TCF7L1: variants seen among roughly 807,000 people sequenced by gnomAD.
TCF7L1 encodes transcription factor 7-like 1.
In TCF7L1, 18 loss-of-function variants were observed where a neutral mutation model predicts 63.7. The ratio of observed to expected loss-of-function variants is 0.28; its 90% CI spans 0.20 to 0.42. The LOEUF is 0.42. TCF7L1 is among the 10% of genes least tolerant of loss of function. TCF7L1 has a pLI of 1.00. For synonymous variants in TCF7L1, 355 were observed against 340.9 expected (o/e 1.04, Z -0.46); for missense variants, 654 against 779.3 (o/e 0.84, Z 1.91).
chr2:85,138,804 C>T (rs1677655091), intron 3 of TCF7L1, among the ~76,000 whole-genome samples: 1 of 152,178 alleles, frequency 6.6e-6, no homozygotes, highest in Non-Finnish European at 1.5e-5. Context: ...CACACCCCCA[C>T]CCAATCTAAC....
At chr2:85,148,719 C>A (rs1027621344) in intron 3 of TCF7L1, among the ~76,000 whole-genome samples, 3 of 151,548 alleles carry the variant, frequency 2.0e-5, no homozygotes, top group Non-Finnish European at 4.4e-5. Flanking sequence ...TGTTTAGTAG[C>A]CAAATATTTT....
chr2:85,267,215 C>T (rs1164808073), intron 3 of TCF7L1, among the ~76,000 whole-genome samples: 3 of 150,956 alleles, frequency 2.0e-5, no homozygotes, highest in Middle Eastern at 3.5e-3. Context: ...ACCTGTATTC[C>T]AGCTACTTGG....
intron 4 of TCF7L1, among the ~76,000 whole-genome samples, chr2:85,285,233 A>C (rs1403566998): frequency 2.1e-5 from 3 of 139,670 alleles, no homozygotes; most frequent in African/African-American, 8.9e-5. Flanking sequence ...ACTCTGTCTC[A>C]AAAAAAAAAA....
chr2:85,184,059 C>A (rs1334483570), intron 3 of TCF7L1, among the ~76,000 whole-genome samples: 1 of 152,186 alleles, frequency 6.6e-6, no homozygotes, highest in African/African-American at 2.4e-5. Flanking sequence ...CCTAAGTTCT[C>A]TCCTCTTCTC....
chr2:85,258,866 T>C (rs772931237), intron 3 of TCF7L1, among the ~76,000 whole-genome samples: 3 of 152,124 alleles, frequency 2.0e-5, no homozygotes, highest in Non-Finnish European at 4.4e-5. Context: ...AGGAAAACAG[T>C]GTCGTAGGTC....
chr2:85,141,745 C>T (rs536021098), intron 3 of TCF7L1, among the ~76,000 whole-genome samples: 1 of 152,336 alleles, frequency 6.6e-6, no homozygotes, highest in Admixed American at 6.5e-5. Flanking sequence ...CTTCTTACTT[C>T]ATCCGTGGAG....
intron 3 of TCF7L1, among the ~76,000 whole-genome samples, chr2:85,171,045 A>G (rs1678533945): frequency 6.6e-6 from 1 of 152,200 alleles, no homozygotes; most frequent in Admixed American, 6.5e-5. Context: ...AAAGAAAAAA[A>G]GGTTAATGAA....
At chr2:85,302,722 C>A in intron 5 of TCF7L1, 106 bp downstream of exon 5, 1 of 1,411,814 alleles carries the variant, frequency 7.1e-7, no homozygotes, top group Non-Finnish European at 9.6e-7. Flanking sequence ...CAAATCATGG[C>A]TCTTTGTCTC....
rs1056915913 is a variant in TCF7L1 at position 85,306,911 on chromosome 2, A to G, written c.1257+352A>G. On this transcript the variant is annotated intron_variant, in intron 10 of 11. Coordinates refer to ENST00000282111, the MANE Select transcript of TCF7L1 (RefSeq NM_031283.3). The surrounding 1 kb of genome is among the most constrained non-coding windows in gnomAD (Gnocchi z 4.3). ...GAGCTCCTGACCTCGTGATCCGCCC[A>G]CCTCGGCCTCCCAAAGCGCTGGGAT... Among the ~76,000 whole-genome samples, 3 of 152,060 alleles carry G rather than the reference A, an allele frequency of 2.0e-5. No homozygotes were observed. Among genetic ancestry groups the G allele is most frequent in the East Asian group, 1.9e-4 (1 of 5,172 alleles).
chr2:85,295,470 G>T (rs2104381356), intron 4 of TCF7L1, among the ~76,000 whole-genome samples: 1 of 152,182 alleles, frequency 6.6e-6, no homozygotes, highest in Non-Finnish European at 1.5e-5. Flanking sequence ...CAAAGTGCTG[G>T]GATTACAGGC....
At chr2:85,168,223 A>AC (rs59307677) in intron 3 of TCF7L1, among the ~76,000 whole-genome samples, 95 of 151,800 alleles carry the variant, frequency 6.3e-4, no homozygotes, top group African/African-American at 1.9e-3. Context: ...ACACACACAC[A>AC]AAGGGACACA....
chr2:85,241,118 T>C (rs1470232139), intron 3 of TCF7L1, among the ~76,000 whole-genome samples: 1 of 152,212 alleles, frequency 6.6e-6, no homozygotes, highest in Non-Finnish European at 1.5e-5. Flanking sequence ...TAGTGACATT[T>C]AACTCAATTG....
At chr2:85,239,566 C>T (rs1680277684) in intron 3 of TCF7L1, among the ~76,000 whole-genome samples, 1 of 152,190 alleles carries the variant, frequency 6.6e-6, no homozygotes, top group Admixed American at 6.5e-5. Flanking sequence ...TGACTTTGCA[C>T]CAATCTCTCC....
intron 3 of TCF7L1, among the ~76,000 whole-genome samples, chr2:85,159,291 C>T (rs1054758078): frequency 6.6e-5 from 10 of 152,108 alleles, no homozygotes; most frequent in African/African-American, 1.9e-4. Context: ...GGTGCCCAGG[C>T]GCCCGGGGCT....
chr2:85,308,529 TCCG>T (rs1388893997), intron 11 of TCF7L1, among the ~76,000 whole-genome samples: 12 of 99,956 alleles, frequency 1.2e-4, no homozygotes, highest in South Asian at 4.1e-4. Context: ...GCTTTCTCCT[TCCG>T]CCCTCCCTTT....
intron 3 of TCF7L1, among the ~76,000 whole-genome samples, chr2:85,245,499 G>A (rs1680439755): frequency 1.3e-5 from 2 of 152,142 alleles, no homozygotes; most frequent in Admixed American, 6.5e-5. Context: ...GAGCTACAAG[G>A]TCAGAGCCAG....
At chr2:85,143,001 A>G (rs1201495635) in intron 3 of TCF7L1, among the ~76,000 whole-genome samples, 1 of 152,254 alleles carries the variant, frequency 6.6e-6, no homozygotes, top group Non-Finnish European at 1.5e-5. Context: ...ATTGAGAAGT[A>G]TACTTCAAAG....
chr2:85,171,586 C>A (rs754632218), intron 3 of TCF7L1, among the ~76,000 whole-genome samples: 27 of 152,168 alleles, frequency 1.8e-4, no homozygotes, highest in Non-Finnish European at 3.8e-4. Flanking sequence ...TTGGGAAAGC[C>A]AATCCTCTTC....
chr2:85,180,216 T>TG (rs901280706), intron 3 of TCF7L1, among the ~76,000 whole-genome samples: 1 of 151,412 alleles, frequency 6.6e-6, no homozygotes, highest in East Asian at 1.9e-4. Flanking sequence ...AGTGGTTTTT[T>TG]TTTTTGTTTT....
Sources: gnomAD v4.1 joint callset for allele counts (sites outside exome capture counted in the v4.1 genomes callset) on GRCh38, gnomAD v4.1.1 for gene constraint, Gnocchi (gnomAD v3.1) non-coding constraint, MANE v1.5 for transcripts, NCBI Gene and HGNC (gene_info 2026-07-23, HGNC 2026-07-21) for gene names.